RGS10: variants seen among roughly 807,000 people sequenced by gnomAD.
RGS10 encodes regulator of G protein signaling 10.
In RGS10, 11 loss-of-function variants were observed where a neutral mutation model predicts 23.5. The ratio of observed to expected loss-of-function variants is 0.47; its 90% CI spans 0.29 to 0.77. RGS10 has a LOEUF of 0.77. Among genes scored for constraint, RGS10 ranks in the 30% least tolerant of loss-of-function variants. The pLI is 0.08. For missense variants in RGS10, 180 were observed against 226.3 expected (o/e 0.80, Z 1.31); for synonymous variants, 77 against 83.2 (o/e 0.92, Z 0.41).
At chr10:119,542,178 T>A (rs1844440595) in intron 1 of RGS10, among the ~76,000 whole-genome samples, 1 of 151,866 alleles carries the variant, frequency 6.6e-6, no homozygotes, top group Non-Finnish European at 1.5e-5. Flanking sequence ...CCAGCCGTGC[T>A]CCCCCGGGCG....
chr10:119,527,963 C>T lies in RGS10; in HGVS notation c.50-539G>A, dbSNP rs949034165. Among the ~76,000 whole-genome samples, 2 of 152,080 alleles carry T rather than the reference C, an allele frequency of 1.3e-5. No individual in the cohort carries two copies. The highest frequency in any genetic ancestry group is 2.4e-5 in the African/African-American group (1 of 41,404). On this transcript the variant is annotated intron_variant, in intron 1 of 4. Transcript: ENST00000369103. The surrounding 1 kb of genome is among the most constrained non-coding windows in gnomAD (Gnocchi z 4.2). ...TTGCAGGACGGGACCCACGTGATGG[C>T]GCAAAATGTCAGAGGGTTGCCAGAA... is the stretch of plus-strand genomic sequence containing the variant.
intron 4 of RGS10, among the ~76,000 whole-genome samples, chr10:119,512,817 G>A (rs993644462): frequency 1.3e-5 from 2 of 152,218 alleles, no homozygotes; most frequent in African/African-American, 4.8e-5. Context: ...CAAAGTGCTG[G>A]GTTTACAGGC....
At chr10:119,506,126 C>T (rs1844010197) in intron 4 of RGS10, among the ~76,000 whole-genome samples, 1 of 152,206 alleles carries the variant, frequency 6.6e-6, no homozygotes, top group Non-Finnish European at 1.5e-5. Context: ...AAGGAAGCTC[C>T]TGTCCCTCCA....
chr10:119,501,918 C>T (rs1843957400), intron 4 of RGS10, among the ~76,000 whole-genome samples: 1 of 151,988 alleles, frequency 6.6e-6, no homozygotes, highest in Admixed American at 6.6e-5. Flanking sequence ...ACAGAGTCCA[C>T]AACCCAGAGA....
At chr10:119,508,000 GTATT>G (rs1422368375) in intron 4 of RGS10, among the ~76,000 whole-genome samples, 1 of 151,914 alleles carries the variant, frequency 6.6e-6, no homozygotes, top group Non-Finnish European at 1.5e-5. Flanking sequence ...CTCTGCTTGT[GTATT>G]TATTTATTTT....
At position 119,538,827 on chromosome 10, in the gene RGS10, T is replaced by TG. The variant is rs1844412373; in HGVS notation, c.49+3762dup. On this transcript the variant is annotated intron_variant, in intron 1 of 4. Coordinates refer to ENST00000369103, the MANE Select transcript of RGS10 (RefSeq NM_001005339.2). The surrounding 1 kb of genome is among the most constrained non-coding windows in gnomAD (Gnocchi z 4.5). Reference sequence around the variant, plus strand: ...CAGGCTGCTGCAGCAAAGAACTATCTGGGGGAAGCAGAAGAAACTTGGGGG... The same window carrying TG: ...CAGGCTGCTGCAGCAAAGAACTATCTGGGGGGAAGCAGAAGAAACTTGGGGG... 1.3e-5 allele frequency among the ~76,000 whole-genome samples: 2 copies of TG among 152,034 alleles called. No individual in the cohort carries two copies. The highest frequency in any genetic ancestry group is 2.9e-5 in the Non-Finnish European group (2 of 67,996).
intron 1 of RGS10, chr10:119,536,375 A>C: frequency 1.6e-6 from 2 of 1,236,562 alleles, no homozygotes; most frequent in South Asian, 2.6e-5. Flanking sequence ...CTGTGTCCTC[A>C]CAGCACACTC....
At chr10:119,506,034 G>A (rs1339699271) in intron 4 of RGS10, among the ~76,000 whole-genome samples, 2 of 152,184 alleles carry the variant, frequency 1.3e-5, no homozygotes, top group African/African-American at 4.8e-5. Context: ...CTGAATTGCG[G>A]CTCTAGAATG....
In RGS10 at chr10:119,542,683, G is replaced by A. The variant is rs1214491415; in HGVS notation, c.-45C>T. Reference sequence around the variant, plus strand: ...GGAAGAAGGAGCAGCCCGGCGGCGCGGCGGCTGAGCCGGAGGAAGGCGAGG... The same window carrying A: ...GGAAGAAGGAGCAGCCCGGCGGCGCAGCGGCTGAGCCGGAGGAAGGCGAGG... On this transcript the variant is annotated 5_prime_UTR_variant, in exon 1 of 5. Transcript: ENST00000369103. The A allele has an allele frequency of 1.5e-6, 2 of 1,332,012 alleles. No homozygotes were observed. The highest frequency in any genetic ancestry group is 1.9e-6 in the Non-Finnish European group (2 of 1,040,974). The allele number at this position is 1,332,012 out of a possible 1,614,324, so 82.5% of individuals were successfully genotyped here. A position where few individuals can be genotyped will look rare whatever the true frequency, so the allele number is the denominator to read the frequency against.
chr10:119,520,492 C>G (rs1337807111), intron 3 of RGS10, among the ~76,000 whole-genome samples: 1 of 152,124 alleles, frequency 6.6e-6, no homozygotes, highest in Non-Finnish European at 1.5e-5. Flanking sequence ...TCAGGTGGCT[C>G]CCCCGCCACC....
At chr10:119,513,271 A>C (rs913697397) in intron 4 of RGS10, among the ~76,000 whole-genome samples, 3 of 152,100 alleles carry the variant, frequency 2.0e-5, no homozygotes, top group African/African-American at 7.2e-5. Flanking sequence ...TAGCCTGGGC[A>C]ACATAGCGAA....
intron 3 of RGS10, among the ~76,000 whole-genome samples, chr10:119,523,780 C>G (rs138640761): frequency 1.3e-5 from 2 of 152,330 alleles, no homozygotes; most frequent in East Asian, 3.9e-4. Context: ...CAACACCAGA[C>G]CTGCCTGACC....
In RGS10 at chr10:119,527,522, G is replaced by T. The variant is rs544576266; in HGVS notation, c.50-98C>A. 11 of 853,314 alleles carry T rather than the reference G, an allele frequency of 1.3e-5. No individual in the cohort carries two copies. In the South Asian group the frequency reaches 1.4e-4, roughly 11 times the overall value. 52.9% of individuals were successfully genotyped at this position (853,314 alleles called of 1,614,324 possible). The stretch of plus-strand genomic sequence containing the variant: ...CAGCACTGCCGTCACCATCACGGCT[G>T]ACATACACCGACTTATGCGTCAGGC... On this transcript the variant is annotated intron_variant, in intron 1 of 4. Coordinates refer to ENST00000369103, the MANE Select transcript of RGS10 (RefSeq NM_001005339.2). This position sits in a 1 kb window ranked among gnomAD's most constrained non-coding sequence, Gnocchi z 4.2.
intron 4 of RGS10, among the ~76,000 whole-genome samples, chr10:119,505,105 C>T (rs1325377052): frequency 6.6e-6 from 1 of 152,042 alleles, no homozygotes; most frequent in African/African-American, 2.4e-5. Flanking sequence ...GAGACATGAC[C>T]TCACCAGGTT....
chr10:119,542,701 A>C lies in RGS10; in HGVS notation c.-63T>G. ...GCGGCGCGGCGGCTGAGCCGGAGGAAGGCGAGGAGGAGGAGGAGGGCGAGG... is the reference window on the plus strand; with the variant it reads ...GCGGCGCGGCGGCTGAGCCGGAGGACGGCGAGGAGGAGGAGGAGGGCGAGG... On this transcript the variant is annotated 5_prime_UTR_variant, in exon 1 of 5. Transcript: ENST00000369103. The C allele has an allele frequency of 7.6e-7, 1 of 1,307,256 alleles. No homozygotes were observed. 81.0% of individuals were successfully genotyped at this position (1,307,256 alleles called of 1,614,324 possible).
intron 3 of RGS10, among the ~76,000 whole-genome samples, chr10:119,520,739 G>C (rs1304017352): frequency 6.7e-6 from 1 of 148,158 alleles, no homozygotes; most frequent in African/African-American, 2.5e-5. Context: ...GAGGGCCCTT[G>C]TCTGGAAAAA....
chr10:119,527,465 A>G lies in RGS10; in HGVS notation c.50-41T>C, dbSNP rs1351591288. 2 of 1,486,794 alleles carry G rather than the reference A, an allele frequency of 1.3e-6. No individual in the cohort carries two copies. Among genetic ancestry groups the G allele is most frequent in the Admixed American group, 1.7e-5 (1 of 59,476 alleles). The allele number at this position is 1,486,794 out of a possible 1,614,324, so 92.1% of individuals were successfully genotyped here. On this transcript the variant is annotated intron_variant, in intron 1 of 4. Transcript: ENST00000369103. This position sits in a 1 kb window ranked among gnomAD's most constrained non-coding sequence, Gnocchi z 4.2. The stretch of plus-strand genomic sequence containing the variant: ...CAGACTGCATATGTGGCCAACAGAC[A>G]CTGTCATTTTAAGAAATCTGCATGC...
At chr10:119,506,017 G>A (rs181140873) in intron 4 of RGS10, among the ~76,000 whole-genome samples, 265 of 152,274 alleles carry the variant, frequency 1.7e-3, no homozygotes, top group Middle Eastern at 0.014. Context: ...TGGAAGCACC[G>A]CCGTCTCTGA....
At chr10:119,521,048 C>G (rs1233727393) in intron 3 of RGS10, among the ~76,000 whole-genome samples, 1 of 152,170 alleles carries the variant, frequency 6.6e-6, no homozygotes, top group Non-Finnish European at 1.5e-5. Flanking sequence ...TCCAAAGCCC[C>G]TGACTGAACA....
Sources: allele counts gnomAD v4.1 joint callset (sites outside exome capture counted in the v4.1 genomes callset), GRCh38; gene constraint gnomAD v4.1.1; non-coding constraint Gnocchi (gnomAD v3.1); transcripts MANE v1.5; gene names NCBI Gene and HGNC (gene_info 2026-07-23, HGNC 2026-07-21).